Variants in SPACA7 observed in about 807,000 individuals in gnomAD.
SPACA7 encodes sperm acrosome associated 7.
In SPACA7, 19 loss-of-function variants were observed where a neutral mutation model predicts 26.3. That is an observed-to-expected ratio of 0.72 (90% CI 0.50 to 1.06). The LOEUF (loss-of-function observed/expected upper bound fraction) is 1.06. Among genes scored for constraint, SPACA7 ranks in the 50% least tolerant of loss-of-function variants. The pLI is 0.00. For synonymous variants in SPACA7, 84 were observed against 84.5 expected (o/e 0.99, Z 0.04); for missense variants, 211 against 229.9 (o/e 0.92, Z 0.53).
At chr13:112,410,841 A>G in intron 5 of SPACA7, among the ~76,000 whole-genome samples, 1 of 152,174 alleles carries the variant, frequency 6.6e-6, no homozygotes, top group East Asian at 1.9e-4. Context: ...TTGAAGAGGC[A>G]TTTATACCCC....
chr13:112,423,611 G>A (rs1403749125), intron 5 of SPACA7, among the ~76,000 whole-genome samples: 4 of 152,208 alleles, frequency 2.6e-5, no homozygotes, highest in Non-Finnish European at 5.9e-5. Flanking sequence ...ACATCCCACA[G>A]GAGGGAATGG....
rs186638388 is a variant in SPACA7 at position 112,409,879 on chromosome 13, G to A, written c.445+8715G>A. Among the ~76,000 whole-genome samples, 251 of 152,280 alleles carry A rather than the reference G, an allele frequency of 1.6e-3. 1 individual carries two copies. Among genetic ancestry groups the A allele is most frequent in the African/African-American group, 5.9e-3 (245 of 41,554 alleles). Reference sequence around the variant, plus strand: ...TCCCATTAGTGGGTATATACCCAAAGGATTGTAAATCATGCTGCTATAAAG... The same window carrying A: ...TCCCATTAGTGGGTATATACCCAAAAGATTGTAAATCATGCTGCTATAAAG... On this transcript the variant is annotated intron_variant, in intron 5 of 6. Transcript: ENST00000283550.
chr13:112,387,719 G>C (rs919006691), intron 1 of SPACA7, among the ~76,000 whole-genome samples: 1 of 152,132 alleles, frequency 6.6e-6, no homozygotes, highest in Non-Finnish European at 1.5e-5. Context: ...TAGCTGTGGG[G>C]TTCAAGCCAC....
chr13:112,387,643 G>A (rs1448476014), intron 1 of SPACA7, among the ~76,000 whole-genome samples: 3 of 152,082 alleles, frequency 2.0e-5, no homozygotes, highest in South Asian at 2.1e-4. Flanking sequence ...CCAGGCTTGC[G>A]GGCTCCCTTT....
chr13:112,378,715 G>A (rs950775018), intron 1 of SPACA7: 24 of 471,128 alleles, frequency 5.1e-5, no homozygotes, highest in African/African-American at 1.8e-4. Context: ...ATGGGGACCC[G>A]GTGAGCCAGG....
intron 1 of SPACA7, among the ~76,000 whole-genome samples, chr13:112,390,369 G>A (rs1401818820): frequency 6.6e-6 from 1 of 152,156 alleles, no homozygotes; most frequent in Admixed American, 6.5e-5. Context: ...GGTTTTAGAA[G>A]GGGTTTCAGT....
At position 112,404,678 on chromosome 13, in the gene SPACA7, T is replaced by C. The variant is rs563947071; in HGVS notation, c.445+3514T>C. On this transcript the variant is annotated intron_variant, in intron 5 of 6. Transcript: ENST00000283550. ...CACCATTTGTTGAATAGGGTGTCCT[T>C]TCTCCACTTTATGTTTTTTGTTTGC... is the stretch of plus-strand genomic sequence containing the variant. 4.7e-3 allele frequency among the ~76,000 whole-genome samples: 287 copies of C among 60,700 alleles called. 1 individual carries two copies. Among genetic ancestry groups the C allele is most frequent in the Non-Finnish European group, 7.3e-3 (223 of 30,526 alleles). 39.8% of individuals were successfully genotyped at this position (60,700 alleles called of 152,430 possible). A position where few individuals can be genotyped will look rare whatever the true frequency, so the allele number is the denominator to read the frequency against.
chr13:112,396,471 G>C lies in SPACA7; in HGVS notation c.152-1578G>C, dbSNP rs1262661344. 7.9e-5 allele frequency among the ~76,000 whole-genome samples: 12 copies of C among 152,204 alleles called. No homozygotes were observed. The East Asian group carries it at 2.3e-3, about 29-fold the overall frequency. ...TGCCTGGTCACGGCTGTAGAATGCT[G>C]CCTCCTGGACATGGCTGGCTGGAAT... is the stretch of plus-strand genomic sequence containing the variant. On this transcript the variant is annotated intron_variant, in intron 2 of 6. Transcript: ENST00000283550.
At chr13:112,399,257 C>A in intron 4 of SPACA7, 84 bp downstream of exon 4, 1 of 779,138 alleles carries the variant, frequency 1.3e-6, no homozygotes, top group East Asian at 2.5e-5. Flanking sequence ...GCGGAAACAT[C>A]TCCTTCCTGG....
intron 1 of SPACA7, among the ~76,000 whole-genome samples, 181 bp from the exon 2 acceptor site, chr13:112,392,840 C>T (rs571508984): frequency 6.6e-6 from 1 of 152,186 alleles, no homozygotes; most frequent in Non-Finnish European, 1.5e-5. Flanking sequence ...ACAAGAAAGC[C>T]AAGTCCCAGA....
intron 1 of SPACA7, among the ~76,000 whole-genome samples, chr13:112,378,353 A>G (rs1460893673): frequency 6.6e-6 from 1 of 152,228 alleles, no homozygotes; most frequent in Non-Finnish European, 1.5e-5. Context: ...TTAAAACATA[A>G]AATATGGCTC....
chr13:112,412,857 G>A (rs768388733), intron 5 of SPACA7, among the ~76,000 whole-genome samples: 12 of 151,940 alleles, frequency 7.9e-5, no homozygotes, highest in Non-Finnish European at 1.6e-4. Flanking sequence ...TTGCTTTGTG[G>A]TTACCAGGAA....
rs201040377 is a variant in SPACA7 at position 112,391,403 on chromosome 13, A to AGAG, written c.95-1617_95-1615dup. ...TTCTTGAGATGTTGGACCTTTAGGG[A>AGAG]GAGAGGAGAGCAGTTAACGTGGTCC... On this transcript the variant is annotated intron_variant, in intron 1 of 6. Transcript: ENST00000283550. 7.0e-4 allele frequency among the ~76,000 whole-genome samples: 106 copies of AGAG among 152,248 alleles called. 1 individual carries two copies. In the East Asian group the frequency reaches 0.02, roughly 29 times the overall value.
chr13:112,388,164 G>C (rs184934710), intron 1 of SPACA7, among the ~76,000 whole-genome samples: 7 of 152,284 alleles, frequency 4.6e-5, no homozygotes, highest in Non-Finnish European at 7.4e-5. Context: ...TGGACAGAAG[G>C]CCTTCCAAAT....
chr13:112,388,909 G>C (rs1430476967), intron 1 of SPACA7, among the ~76,000 whole-genome samples: 1 of 152,092 alleles, frequency 6.6e-6, no homozygotes, highest in Non-Finnish European at 1.5e-5. Flanking sequence ...CAGTTCCTGG[G>C]TGGGGGCCAC....
chr13:112,402,262 A>C (rs1315686643), intron 5 of SPACA7, among the ~76,000 whole-genome samples: 1 of 152,192 alleles, frequency 6.6e-6, no homozygotes, highest in Non-Finnish European at 1.5e-5. Context: ...TACTGTCATG[A>C]TAAGCTTATT....
chr13:112,416,289 T>TTGTTGTTTTTGTTG lies in SPACA7; in HGVS notation c.445+15126_445+15127insGTTGTTTTTGTTGT. ...GGATTGTCAGTTGTTGTTGTTGTTG[T>TTGTTGTTTTTGTTG]TTGTTGTTGTTGTTGTTGTTACAGA... On this transcript the variant is annotated intron_variant, in intron 5 of 6. Transcript: ENST00000283550. Among the ~76,000 whole-genome samples the TTGTTGTTTTTGTTG allele has an allele frequency of 3.0e-5, 3 of 99,758 alleles. No homozygotes were observed. The East Asian group carries it at 6.0e-4, about 20-fold the overall frequency. 65.4% of individuals were successfully genotyped at this position (99,758 alleles called of 152,430 possible).
rs1044123530 is a variant in SPACA7 at position 112,376,495 on chromosome 13, G to A, written c.94+16G>A. On this transcript the variant is annotated intron_variant, in intron 1 of 6. Transcript: ENST00000283550. ...GTGATTCCAGGTAGGGCCCCACAGG[G>A]ATGTCTCAGCAGAAAGAGAACTGAA... is the stretch of plus-strand genomic sequence containing the variant. The A allele has an allele frequency of 3.7e-6, 6 of 1,608,506 alleles. No homozygotes were observed. The highest frequency in any genetic ancestry group is 5.1e-6 in the Non-Finnish European group (6 of 1,177,462).
At chr13:112,380,690 C>G (rs1884000817) in intron 1 of SPACA7, among the ~76,000 whole-genome samples, 1 of 152,142 alleles carries the variant, frequency 6.6e-6, no homozygotes, top group African/African-American at 2.4e-5. Context: ...CACTGTAGGA[C>G]AAAATTACTC....
Sources: allele counts gnomAD v4.1 joint callset (sites outside exome capture counted in the v4.1 genomes callset), GRCh38; gene constraint gnomAD v4.1.1; transcripts MANE v1.5; gene names NCBI Gene and HGNC (gene_info 2026-07-23, HGNC 2026-07-21).